Variants in GLB1 observed in about 807,000 individuals in gnomAD.
The protein encoded by GLB1 is beta-galactosidase.
Under a neutral mutation model 74.0 loss-of-function variants are expected in GLB1, and 56 were observed. The observed-to-expected ratio is 0.76, with a 90% CI of 0.61 to 0.94. GLB1 has a LOEUF of 0.94. GLB1 is among the 40% of genes least tolerant of loss of function. The probability of loss-of-function intolerance (pLI) is 0.00; values close to 1 mark genes in which losing one functional copy is unlikely to be tolerated. For missense variants in GLB1, 787 were observed against 845.5 expected (o/e 0.93, Z 0.86); for synonymous variants, 323 against 323.6 (o/e 1.00, Z 0.02).
chr3:33,058,419 C>T, intron 5 of GLB1, 150 bp from the exon 6 acceptor site: 1 of 1,093,472 alleles, frequency 9.1e-7, no homozygotes, highest in South Asian at 1.5e-5. Context: ...GACCTCAAAA[C>T]TGACTAAAAG....
intron 10 of GLB1, among the ~76,000 whole-genome samples, chr3:33,040,878 G>A (rs573881607): frequency 3.3e-5 from 5 of 152,160 alleles, no homozygotes; most frequent in African/African-American, 9.6e-5. Context: ...AGTAAAATTC[G>A]AACTGCTAAT....
Position 33,093,974 on chromosome 3 carries a change from G to A in GLB1, c.75+3037C>T. 6.2e-7 allele frequency: 1 copy of A among 1,614,200 alleles called. No individual in the cohort carries two copies. The highest frequency in any genetic ancestry group is 8.5e-7 in the Non-Finnish European group (1 of 1,180,028). ...GAAAACAGGTTGACTCTGCAGCTGG[G>A]GAGTGGCAGAGGTTGCTCACTGTGC... is the stretch of plus-strand genomic sequence containing the variant. On this transcript the variant is annotated intron_variant, in intron 1 of 15. Transcript: ENST00000307363. The surrounding 1 kb of genome is among the most constrained non-coding windows in gnomAD (Gnocchi z 6.0).
At chr3:33,085,818 C>T (rs1411822678) in intron 1 of GLB1, among the ~76,000 whole-genome samples, 1 of 151,642 alleles carries the variant, frequency 6.6e-6, no homozygotes, top group East Asian at 2.0e-4. Context: ...CAGGTTCACA[C>T]CTGTAATCCC....
the GLB1 span, among the ~76,000 whole-genome samples, chr3:32,983,946 A>C: frequency 6.6e-6 from 1 of 152,024 alleles, no homozygotes; most frequent in Non-Finnish European, 1.5e-5. Flanking sequence ...CAGCCTCCCA[A>C]AGTGCTGGGA....
chr3:33,049,792 C>T (rs114128645), intron 9 of GLB1, among the ~76,000 whole-genome samples: 19 of 152,306 alleles, frequency 1.2e-4, no homozygotes, highest in South Asian at 6.2e-4. Flanking sequence ...CACCCAGACA[C>T]GCCCCAGGCA....
chr3:32,976,229 A>G, the GLB1 span, among the ~76,000 whole-genome samples: 2 of 152,016 alleles, frequency 1.3e-5, no homozygotes, highest in Non-Finnish European at 2.9e-5. Flanking sequence ...ATCCCTTGGC[A>G]CTCCTTTTCG....
downstream of GLB1, among the ~76,000 whole-genome samples, chr3:32,992,217 C>A (rs1284200991): frequency 6.6e-6 from 1 of 152,224 alleles, no homozygotes; most frequent in Non-Finnish European, 1.5e-5. Context: ...CACCTTTCTA[C>A]AGGACCTCTT....
At chr3:33,015,959 C>T (rs544500577) in intron 14 of GLB1, among the ~76,000 whole-genome samples, 5 of 152,202 alleles carry the variant, frequency 3.3e-5, no homozygotes, top group Admixed American at 2.6e-4. Context: ...TGGGGCATCT[C>T]GCGGAGTGGG....
chr3:32,972,443 G>T, the GLB1 span, among the ~76,000 whole-genome samples: 2 of 152,212 alleles, frequency 1.3e-5, no homozygotes, highest in Non-Finnish European at 2.9e-5. Flanking sequence ...ACTTGGTCCA[G>T]GTGGTCCCCA....
intron 15 of GLB1, 79 bp from the exon 16 acceptor site, chr3:32,997,423 C>G: frequency 1.3e-6 from 2 of 1,589,212 alleles, no homozygotes; most frequent in Non-Finnish European, 1.7e-6. Flanking sequence ...TGATGTAGGG[C>G]AGGCCAGCAG....
chr3:33,049,978 A>G (rs762447421), intron 9 of GLB1, among the ~76,000 whole-genome samples: 7 of 152,340 alleles, frequency 4.6e-5, no homozygotes, highest in Non-Finnish European at 1.0e-4. Flanking sequence ...ATAGTATCCA[A>G]TTTCAGATCC....
chr3:33,068,906 C>T lies in GLB1; in HGVS notation c.310G>A (p.Val104Met), dbSNP rs747754096. 16 of 1,614,056 alleles carry T rather than the reference C, an allele frequency of 9.9e-6. No individual in the cohort carries two copies. The South Asian group carries it at 1.6e-4, about 17-fold the overall frequency. The change falls in exon 3 of 16, where the codon GTG (valine) becomes ATG (methionine). Residue 104 changes from valine (V) to methionine (M), a missense_variant. Val to Met is a conservative substitution (Grantham distance 21, BLOSUM62 1). Coordinates refer to ENST00000307363, the MANE Select transcript of GLB1 (RefSeq NM_000404.4). ...TGAGCCAGCCGAAGAAAATATTCCA[C>T]ATCATGGTCCTCAGAAAACTGGTAC... ...GQYQFSEDHD[V>M]EYFLRLAHEL...
intron 2 of GLB1, among the ~76,000 whole-genome samples, chr3:33,071,705 A>AC (rs1481695510): frequency 6.6e-6 from 1 of 151,692 alleles, no homozygotes; most frequent in Non-Finnish European, 1.5e-5. Flanking sequence ...TCTGTTGCCC[A>AC]CCCCTCCTTC....
rs180853046 is a variant in GLB1, at chr3:33,065,412, G to A, written c.552+51C>T. 1.4e-4 allele frequency: 211 copies of A among 1,546,738 alleles called. 2 individuals carry two copies. Among genetic ancestry groups the A allele is most frequent in the Middle Eastern group, 1.1e-3 (5 of 4,460 alleles). ...TCACTTCTATCATTTATGTAATGTA[G>A]ATGGATGGGAACCCCTCCCCCAATC... is the stretch of plus-strand genomic sequence containing the variant. On this transcript the variant is annotated intron_variant, in intron 5 of 15. Transcript: ENST00000307363.
intron 13 of GLB1, 118 bp from the exon 14 acceptor site, chr3:33,016,958 G>C: frequency 6.7e-7 from 1 of 1,493,936 alleles, no homozygotes; most frequent in Admixed American, 2.0e-5. Context: ...ACCAGACTTG[G>C]AAAGAAATGC....
At chr3:33,025,907 G>A (rs925339212) in intron 10 of GLB1, among the ~76,000 whole-genome samples, 12 of 152,180 alleles carry the variant, frequency 7.9e-5, no homozygotes, top group Admixed American at 6.5e-4. Context: ...CCGCGTCACT[G>A]CTCTTGCCTT....
chr3:32,991,967 C>T (rs376369926), downstream of GLB1, among the ~76,000 whole-genome samples: 5 of 152,390 alleles, frequency 3.3e-5, no homozygotes, highest in East Asian at 9.6e-4. Flanking sequence ...CAACAGCACA[C>T]ATTGCAACCC....
intron 10 of GLB1, among the ~76,000 whole-genome samples, chr3:33,025,808 G>A (rs1026692092): frequency 2.0e-5 from 3 of 152,158 alleles, no homozygotes. Flanking sequence ...CCATGTCCCC[G>A]AGGCAGCTGA....
chr3:33,051,730 G>A, intron 9 of GLB1, 28 bp downstream of exon 9: 1 of 1,613,996 alleles, frequency 6.2e-7, no homozygotes, highest in South Asian at 1.1e-5. Context: ...TCTAGCATAA[G>A]TTTCTACAGA....
Sources: gnomAD v4.1 joint callset for allele counts (sites outside exome capture counted in the v4.1 genomes callset) on GRCh38, gnomAD v4.1.1 for gene constraint, Gnocchi (gnomAD v3.1) non-coding constraint, MANE v1.5 for transcripts, NCBI Gene and HGNC (gene_info 2026-07-23, HGNC 2026-07-21) for gene names.